The following DMD variants were observed in gnomAD, a reference collection of about 807,000 sequenced individuals.
The protein encoded by DMD is dystrophin, also known as mutant dystrophin.
In DMD, 63 loss-of-function variants were observed where a neutral mutation model predicts 330.1. The observed-to-expected ratio is 0.19, with a 90% confidence interval of 0.16 to 0.24. The LOEUF is 0.24. Ranked by LOEUF, DMD falls within the 10% of genes least tolerant of loss-of-function variation. The probability of loss-of-function intolerance (pLI) is 1.00; values close to 1 mark genes in which losing one functional copy is unlikely to be tolerated. For synonymous variants in DMD, 1,223 were observed against 959.8 expected (o/e 1.27, Z -5.07); for missense variants, 3,344 against 2,684.1 (o/e 1.25, Z -5.43).
chrX:32,102,430 A>T (rs2096544421), intron 44 of DMD, among the ~76,000 whole-genome samples: 1 of 111,511 alleles, frequency 9.0e-6, no homozygotes, highest in Non-Finnish European at 1.9e-5. Context: ...TGGATGAAGG[A>T]CAGACTGGAA....
chrX:33,003,137 C>T (rs1300486420), intron 2 of DMD, among the ~76,000 whole-genome samples: 1 of 110,415 alleles, frequency 9.1e-6, no homozygotes, highest in African/African-American at 3.3e-5. Context: ...TTATCTCTCA[C>T]CCATCTCCTA....
At chrX:32,748,103 G>A (rs2070295287) in intron 7 of DMD, among the ~76,000 whole-genome samples, 1 of 110,534 alleles carries the variant, frequency 9.0e-6, no homozygotes, top group Non-Finnish European at 1.9e-5. Context: ...AGCACTTTGG[G>A]AGGCTGAGGC....
At chrX:31,548,047 G>A (rs2074252524) in intron 55 of DMD, among the ~76,000 whole-genome samples, 1 of 111,879 alleles carries the variant, frequency 8.9e-6, no homozygotes, top group Non-Finnish European at 1.9e-5. Context: ...TGAGGTAACT[G>A]GGATTTAAGA....
chrX:32,604,005 C>T (rs1267610284), intron 12 of DMD, among the ~76,000 whole-genome samples: 4 of 110,995 alleles, frequency 3.6e-5, no homozygotes, highest in Non-Finnish European at 7.6e-5. Flanking sequence ...TCTACGAAGC[C>T]AGTATCACCA....
At chrX:31,710,570 T>C (rs763722983) in intron 52 of DMD, among the ~76,000 whole-genome samples, 1 of 112,075 alleles carries the variant, frequency 8.9e-6, no homozygotes, top group Non-Finnish European at 1.9e-5. Context: ...CAATAATCTA[T>C]CATTTGGTCT....
At chrX:31,754,281 T>C (rs2088864162) in intron 51 of DMD, among the ~76,000 whole-genome samples, 1 of 111,760 alleles carries the variant, frequency 8.9e-6, no homozygotes, top group Non-Finnish European at 1.9e-5. Context: ...GATCCTATTC[T>C]AGACATCTGG....
chrX:31,808,118 G>C (rs765525356), intron 50 of DMD, among the ~76,000 whole-genome samples: 2 of 111,782 alleles, frequency 1.8e-5, no homozygotes, highest in African/African-American at 6.5e-5. Flanking sequence ...AGGTATGTTC[G>C]GGTCAATGCA....
At chrX:31,228,921 G>A (rs1246202764) in intron 63 of DMD, among the ~76,000 whole-genome samples, 2 of 112,302 alleles carry the variant, frequency 1.8e-5, no homozygotes, top group Admixed American at 9.4e-5. Flanking sequence ...ATCTAGAAAC[G>A]TAAGGAACAA....
chrX:32,349,663 C>G (rs1395512317), intron 37 of DMD, among the ~76,000 whole-genome samples: 1 of 111,514 alleles, frequency 9.0e-6, no homozygotes, highest in Non-Finnish European at 1.9e-5. Context: ...TAATCTGTCA[C>G]TATTGAAGAA....
intron 44 of DMD, among the ~76,000 whole-genome samples, chrX:32,168,741 G>A (rs1921368): frequency 0.15 from 16,641 of 110,235 alleles, 1,408 homozygotes; most frequent in African/African-American, 0.31. Context: ...TCTCTTCTTT[G>A]TCACCTCCTT....
intron 13 of DMD, among the ~76,000 whole-genome samples, chrX:32,588,726 G>A (rs1372821580): frequency 9.0e-6 from 1 of 111,620 alleles, no homozygotes; most frequent in Non-Finnish European, 1.9e-5. Context: ...TATACCTTGA[G>A]AAATGTTGAC....
chrX:32,340,162 T>C (rs905163399), intron 41 of DMD, among the ~76,000 whole-genome samples: 8 of 111,846 alleles, frequency 7.2e-5, no homozygotes, highest in Non-Finnish European at 1.3e-4. Flanking sequence ...TTATCATCTA[T>C]CAATTATCCC....
chrX:31,563,139 A>T (rs1365345104), intron 55 of DMD, among the ~76,000 whole-genome samples: 1 of 111,235 alleles, frequency 9.0e-6, no homozygotes, highest in Non-Finnish European at 1.9e-5. Flanking sequence ...ATCTTGGCTC[A>T]CTGCAACCTC....
chrX:32,554,882 AAAG>A (rs1400853819), intron 16 of DMD, among the ~76,000 whole-genome samples: 1 of 13,103 alleles, frequency 7.6e-5, no homozygotes, highest in African/African-American at 4.4e-4. Flanking sequence ...AGGAAAGAAG[AAAG>A]AAAGAAAGAA....
intron 43 of DMD, among the ~76,000 whole-genome samples, chrX:32,230,661 G>A (rs1359965970): frequency 1.8e-5 from 2 of 112,113 alleles, no homozygotes; most frequent in East Asian, 5.6e-4. Flanking sequence ...TTGAAGACAA[G>A]CAAACGTGAG....
At chrX:32,663,006 C>T (rs958769480) in intron 9 of DMD, among the ~76,000 whole-genome samples, 2 of 111,818 alleles carry the variant, frequency 1.8e-5, no homozygotes, top group South Asian at 3.7e-4. Flanking sequence ...CCATCTTTAG[C>T]GATATCACCT....
intron 1 of DMD, among the ~76,000 whole-genome samples, chrX:33,074,061 A>G (rs1459481450): frequency 9.0e-6 from 1 of 111,113 alleles, no homozygotes; most frequent in Non-Finnish European, 1.9e-5. Context: ...ACCTATCTCA[A>G]TAGGTAGACA....
At chrX:31,433,796 T>C (rs1394896801) in intron 60 of DMD, among the ~76,000 whole-genome samples, 2 of 111,969 alleles carry the variant, frequency 1.8e-5, no homozygotes, top group Non-Finnish European at 3.8e-5. Context: ...TATTTAAGTG[T>C]TGGTTAACCT....
chrX:33,288,293 G>A (rs2053463557), intron 1 of DMD, among the ~76,000 whole-genome samples: 1 of 111,451 alleles, frequency 9.0e-6, no homozygotes, highest in African/African-American at 3.3e-5. Flanking sequence ...AAATCTGATG[G>A]ACCGGGGAAG....
Sources: allele counts gnomAD v4.1 joint callset (sites outside exome capture counted in the v4.1 genomes callset), GRCh38; gene constraint gnomAD v4.1.1; transcripts MANE v1.5; gene names NCBI Gene and HGNC (gene_info 2026-07-23, HGNC 2026-07-21).